Variants in MYO7A observed in about 807,000 individuals in gnomAD.
The protein encoded by MYO7A is myosin VIIA, also known as unconventional myosin-VIIa.
In MYO7A, 210 loss-of-function variants were observed where a neutral mutation model predicts 263.8. The observed-to-expected ratio is 0.80, with a 90% CI of 0.71 to 0.89. MYO7A has a LOEUF of 0.89. Among genes scored for constraint, MYO7A ranks in the 40% least tolerant of loss-of-function variants. The probability of loss-of-function intolerance (pLI) is 0.00; values close to 1 mark genes in which losing one functional copy is unlikely to be tolerated. For synonymous variants in MYO7A, 1,239 were observed against 1,197.3 expected (o/e 1.03, Z -0.72); for missense variants, 2,820 against 2,968.3 (o/e 0.95, Z 1.16).
At chr11:77,176,508 G>T (rs1484328378) in intron 18 of MYO7A, among the ~76,000 whole-genome samples, 1 of 152,190 alleles carries the variant, frequency 6.6e-6, no homozygotes, top group Non-Finnish European at 1.5e-5. Context: ...GCAGGGAGCA[G>T]GACTTCTAGT....
chr11:77,206,280 A>G lies in MYO7A; in HGVS notation c.5742+78A>G. On this transcript the variant is annotated intron_variant, in intron 41 of 48. Coordinates refer to ENST00000409709, the MANE Select transcript of MYO7A (RefSeq NM_000260.4). Reference sequence around the variant, plus strand: ...CTGGGTGGACACCAAAGGTGGCCTTAAGCCTCTCCCCCATCACCTGACATT... The same window carrying G: ...CTGGGTGGACACCAAAGGTGGCCTTGAGCCTCTCCCCCATCACCTGACATT... The G allele has an allele frequency of 2.7e-6, 3 of 1,111,794 alleles. No homozygotes were observed. In the South Asian group the frequency reaches 4.5e-5, roughly 17 times the overall value. 68.9% of individuals were successfully genotyped at this position (1,111,794 alleles called of 1,614,324 possible).
At chr11:77,144,040 T>C (rs143716326) in intron 3 of MYO7A, among the ~76,000 whole-genome samples, 4 of 152,168 alleles carry the variant, frequency 2.6e-5, no homozygotes, top group South Asian at 2.1e-4. Flanking sequence ...CTGAGGCACA[T>C]AGAGGGACCA....
chr11:77,181,290 G>C (rs1955159824), intron 22 of MYO7A, 90 bp from the exon 23 acceptor site: 17 of 1,224,146 alleles, frequency 1.4e-5, no homozygotes, highest in Non-Finnish European at 1.7e-5. Context: ...GGCCCTGGCT[G>C]CTGCAGGGGC....
Position 77,202,309 on chromosome 11 carries a change from A to G in MYO7A, c.5053A>G (p.Thr1685Ala). 1 of 1,586,590 alleles carries G rather than the reference A, an allele frequency of 6.3e-7. No homozygotes were observed. Among genetic ancestry groups the G allele is most frequent in the Non-Finnish European group, 8.6e-7 (1 of 1,165,626 alleles). Residue 1685 changes from threonine to alanine, a missense_variant, in exon 37 of 49, where the codon ACC (threonine) becomes GCC (alanine). Coordinates refer to ENST00000409709, the MANE Select transcript of MYO7A (RefSeq NM_000260.4). ...GTCTCTTGGTCCCTAGGCCCTGGTC[A>G]CCATGACTCCCGATCAGAGGCAGGA... The part of the protein sequence containing the change: ...MPPREIVALV[T>A]MTPDQRQDVV...
chr11:77,204,089 C>T lies in MYO7A; in HGVS notation c.5340C>T (p.Tyr1780=), dbSNP rs1957267246. Residue 1780 remains tyrosine (Y), a synonymous_variant, in exon 39 of 49, where the codon TAC becomes TAT. Transcript: ENST00000409709. ...ACLAFIAVLK[Y]MGDYPSKRTR... is the part of the protein sequence containing the mutation. ...GACAGTCCCCAGCTGTGCTCAAGTACATGGGCGACTACCCGTCCAAGAGGA... is the reference window on the plus strand; with the variant it reads ...GACAGTCCCCAGCTGTGCTCAAGTATATGGGCGACTACCCGTCCAAGAGGA... 2.5e-6 allele frequency: 4 copies of T among 1,601,066 alleles called. No individual in the cohort carries two copies. Among genetic ancestry groups the T allele is most frequent in the Non-Finnish European group, 3.4e-6 (4 of 1,174,160 alleles).
intron 12 of MYO7A, 110 bp downstream of exon 12, chr11:77,161,225 C>T: frequency 7.4e-7 from 1 of 1,357,120 alleles, no homozygotes; most frequent in Non-Finnish European, 1.0e-6. Context: ...CACACTCTGC[C>T]AGGCTGTTCC....
chr11:77,161,992 C>A, intron 12 of MYO7A, 128 bp from the exon 13 acceptor site: 2 of 867,404 alleles, frequency 2.3e-6, no homozygotes, highest in Non-Finnish European at 3.6e-6. Context: ...TTCCCCTCGC[C>A]TCTGAGTTTG....
chr11:77,182,434 C>A lies in MYO7A; in HGVS notation c.3119C>A (p.Ala1040Glu). The A allele has an allele frequency of 6.2e-7, 1 of 1,612,132 alleles. No homozygotes were observed. The highest frequency in any genetic ancestry group is 1.1e-5 in the South Asian group (1 of 90,888). The stretch of plus-strand genomic sequence containing the variant: ...CGCGCTCTGCCCCAGGCAGCCCTGG[C>A]GGTCTGGATCACCATCCTCCGCTTC... The part of the protein sequence containing the change: ...DDEGDQLAAL[A>E]VWITILRFMG... The change falls in exon 25 of 49, where the codon GCG becomes GAG. Residue 1040 changes from alanine to glutamate, a missense_variant. Physicochemically the swap from Ala to Glu is moderately radical, Grantham distance 107. Transcript: ENST00000409709.
chr11:77,157,357 T>G lies in MYO7A; in HGVS notation c.814T>G (p.Leu272Val). 6.2e-7 allele frequency: 1 copy of G among 1,611,412 alleles called. No individual in the cohort carries two copies. Among genetic ancestry groups the G allele is most frequent in the Admixed American group, 1.7e-5 (1 of 59,728 alleles). Reference protein sequence around the residue: ...MSEDQKKKLGLGQASDYNYLA... With the variant: ...MSEDQKKKLGVGQASDYNYLA... ...TGAGGATCAGAAGAAGAAGCTGGGCTTGGGCCAGGCCTCTGACTACAACTA... is the reference window on the plus strand; with the variant it reads ...TGAGGATCAGAAGAAGAAGCTGGGCGTGGGCCAGGCCTCTGACTACAACTA... Residue 272 changes from leucine (L) to valine (V), a missense_variant, in exon 8 of 49, where the codon TTG becomes GTG. Transcript: ENST00000409709.
intron 30 of MYO7A, among the ~76,000 whole-genome samples, chr11:77,191,523 A>G (rs188340591): frequency 2.4e-3 from 363 of 152,310 alleles, no homozygotes; most frequent in Non-Finnish European, 3.4e-3. Flanking sequence ...TTGCCACGGC[A>G]TCTGATGGAG....
chr11:77,209,125 T>A (rs1957689464), intron 44 of MYO7A: 2 of 288,038 alleles, frequency 6.9e-6, no homozygotes, highest in Admixed American at 9.4e-5. Context: ...AAGGCCTCTG[T>A]GCAAACATTT....
chr11:77,180,895 G>C (rs1555083705), intron 22 of MYO7A, among the ~76,000 whole-genome samples: 2 of 149,648 alleles, frequency 1.3e-5, no homozygotes, highest in Non-Finnish European at 3.0e-5. Flanking sequence ...AAGATTTGGT[G>C]GGGGAAAAAT....
intron 3 of MYO7A, among the ~76,000 whole-genome samples, chr11:77,145,361 A>G (rs1951490129): frequency 6.6e-6 from 1 of 152,172 alleles, no homozygotes. Context: ...TCTCATTCCC[A>G]TTTCACAGCT....
chr11:77,129,065 G>C (rs577492306), intron 1 of MYO7A, among the ~76,000 whole-genome samples: 14 of 152,354 alleles, frequency 9.2e-5, no homozygotes, highest in African/African-American at 3.4e-4. Flanking sequence ...TGAAATGTCT[G>C]TCTGGTCATT....
intron 27 of MYO7A, among the ~76,000 whole-genome samples, chr11:77,187,479 T>A (rs1383121902): frequency 6.6e-6 from 1 of 152,178 alleles, no homozygotes; most frequent in Non-Finnish European, 1.5e-5. Flanking sequence ...TTGATCATCA[T>A]CATCCAACAT....
chr11:77,212,521 C>A (rs1056453436), intron 46 of MYO7A: 4 of 338,748 alleles, frequency 1.2e-5, no homozygotes, highest in Non-Finnish European at 2.3e-5. Flanking sequence ...GCCTCTCAGG[C>A]TGCGGGTGGA....
chr11:77,152,020 G>A (rs1952012140), intron 4 of MYO7A, among the ~76,000 whole-genome samples: 1 of 152,158 alleles, frequency 6.6e-6, no homozygotes, highest in Admixed American at 6.5e-5. Context: ...TCTGCAAAGC[G>A]GGGATATGAT....
At chr11:77,148,037 G>T (rs1158526742) in intron 4 of MYO7A, 87 bp downstream of exon 4, 245 of 1,219,584 alleles carry the variant, frequency 2.0e-4, no homozygotes, top group Non-Finnish European at 2.5e-4. Context: ...CTTGCCTCCG[G>T]CCCCGCCCTG....
intron 13 of MYO7A, 69 bp from the exon 14 acceptor site, chr11:77,162,784 C>T (rs1953120136): frequency 6.4e-6 from 10 of 1,569,702 alleles, no homozygotes; most frequent in African/African-American, 2.7e-5. Flanking sequence ...GGGGCAAAGA[C>T]ATGGGCAGGG....
Sources: allele counts gnomAD v4.1 joint callset (sites outside exome capture counted in the v4.1 genomes callset), GRCh38; gene constraint gnomAD v4.1.1; transcripts MANE v1.5; gene names NCBI Gene and HGNC (gene_info 2026-07-23, HGNC 2026-07-21).